The following CPNE1 variants were observed in gnomAD, a reference collection of about 807,000 sequenced individuals.
The protein encoded by CPNE1 is copine 1, also known as copine-1.
Under a neutral mutation model 63.2 loss-of-function variants are expected in CPNE1, and 58 were observed. The observed-to-expected ratio is 0.92, with a 90% CI of 0.74 to 1.14. The LOEUF (loss-of-function observed/expected upper bound fraction) is 1.14. Ranked by LOEUF, CPNE1 falls within the 50% of genes most tolerant of loss-of-function variation. CPNE1 has a pLI of 0.00. For missense variants in CPNE1, 672 were observed against 661.7 expected, an observed-to-expected ratio of 1.02 and a Z score of -0.17; for synonymous variants, 237 against 249.0, an observed-to-expected ratio of 0.95 and a Z score of 0.45.
In CPNE1 at chr20:35,632,512, C is replaced by T; in HGVS notation, c.309+5G>A. The T allele has an allele frequency of 6.2e-7, 1 of 1,613,284 alleles. No homozygotes were observed. On this transcript the variant is annotated splice_donor_5th_base_variant and intron_variant, in intron 3 of 15. Coordinates refer to ENST00000397443, the MANE Select transcript of CPNE1 (RefSeq NM_152925.3). ...TGAAGGATCCTAATCCCCAGCCCTACATACCTGTCCTAGGGAACACTCAGC... is the reference window on the plus strand; with the variant it reads ...TGAAGGATCCTAATCCCCAGCCCTATATACCTGTCCTAGGGAACACTCAGC...
chr20:35,635,801 C>T (rs1030019582), intron 1 of CPNE1, among the ~76,000 whole-genome samples: 2 of 152,224 alleles, frequency 1.3e-5, no homozygotes, highest in Non-Finnish European at 2.9e-5. Context: ...CACAGCACCT[C>T]ATCTTGGTCC....
intron 1 of CPNE1, among the ~76,000 whole-genome samples, chr20:35,646,087 T>C (rs1402056500): frequency 2.7e-5 from 4 of 147,256 alleles, no homozygotes; most frequent in African/African-American, 1.0e-4. Context: ...CACTCCACCA[T>C]CACCCCTACC....
chr20:35,630,657 C>T lies in CPNE1; in HGVS notation c.1050+84G>A, dbSNP rs142241383. The T allele has an allele frequency of 5.6e-5, 86 of 1,538,612 alleles. No individual in the cohort carries two copies. In the African/African-American group the frequency reaches 1.1e-3, roughly 19 times the overall value. On this transcript the variant is annotated intron_variant, in intron 12 of 15. Transcript: ENST00000397443. ...TGCATCTCCTCTTAAAGCTGAGTGC[C>T]AAGTAGCAAGTAAATTTACCACATC...
chr20:35,664,238 G>A (rs1000950982), intron 1 of CPNE1: 19 of 152,270 alleles, frequency 1.2e-4, no homozygotes, highest in African/African-American at 3.6e-4. Context: ...ACTCACAGGA[G>A]TGTACCGACT....
intron 1 of CPNE1, among the ~76,000 whole-genome samples, chr20:35,647,124 A>G (rs906847833): frequency 1.3e-5 from 2 of 151,946 alleles, no homozygotes; most frequent in Non-Finnish European, 2.9e-5. Flanking sequence ...CAGCCTGGCC[A>G]ACATGGTGAA....
Position 35,631,170 on chromosome 20 carries a change from C to A in CPNE1, c.805G>T (p.Glu269Ter), listed in dbSNP as rs62211672. The change falls in exon 10 of 16, where the codon GAA becomes TAA. Residue 269 changes from glutamate (E) to a stop codon, truncating the protein, a stop_gained. Transcript: ENST00000397443. LOFTEE classifies it high-confidence loss of function. ...TAGTCCAGAAAGGAGTACTCTGTTT[C>A]TACCTGCAAATGAAACCAGGGTCAT... Reference protein sequence around the residue: ...GTIRVKICRVETEYSFLDYVM... With the variant: ...GTIRVKICRV 1 of 1,614,054 alleles carries A rather than the reference C, an allele frequency of 6.2e-7. No individual in the cohort carries two copies. The highest frequency in any genetic ancestry group is 8.5e-7 in the Non-Finnish European group (1 of 1,179,940).
chr20:35,626,111 G>T lies in CPNE1; in HGVS notation c.*130C>A. 1.0e-6 allele frequency: 1 copy of T among 991,112 alleles called. No individual in the cohort carries two copies. Among genetic ancestry groups the T allele is most frequent in the Non-Finnish European group, 1.6e-6 (1 of 630,476 alleles). 61.4% of individuals were successfully genotyped at this position (991,112 alleles called of 1,614,324 possible). A position where few individuals can be genotyped will look rare whatever the true frequency, so the allele number is the denominator to read the frequency against. ...AAAGGTGGGATCAAGAGCAGCAAAA[G>T]CAGAAACAAGTATAAAAGTATCAAA... On this transcript the variant is annotated 3_prime_UTR_variant, in exon 16 of 16. Transcript: ENST00000397443.
chr20:35,632,647 T>A lies in CPNE1; in HGVS notation c.179A>T (p.Lys60Met). The change falls in exon 3 of 16, where the codon AAG becomes ATG. Residue 60 changes from lysine (K) to methionine (M), a missense_variant. Lys to Met is a moderately conservative substitution (Grantham distance 95, BLOSUM62 -1). Transcript: ENST00000397443. ...VRNCSSPEFS[K>M]TLQLEYRFET... is the part of the protein sequence containing the mutation. ...AAAGCGGTACTCAAGCTGTAGAGTC[T>A]TGGAGAACTCAGGGCTTGAGCAGTT... 1 of 1,444,762 alleles carries A rather than the reference T, an allele frequency of 6.9e-7. No individual in the cohort carries two copies. The highest frequency in any genetic ancestry group is 1.1e-5 in the South Asian group (1 of 87,720). 89.5% of individuals were successfully genotyped at this position (1,444,762 alleles called of 1,614,324 possible).
chr20:35,629,119 G>A (rs548512215), intron 13 of CPNE1, among the ~76,000 whole-genome samples: 1 of 152,268 alleles, frequency 6.6e-6, no homozygotes, highest in South Asian at 2.1e-4. Flanking sequence ...CTGTATACAT[G>A]TATGAGAAAA....
chr20:35,639,697 C>G (rs2032694564), intron 1 of CPNE1, among the ~76,000 whole-genome samples: 1 of 152,194 alleles, frequency 6.6e-6, no homozygotes, highest in African/African-American at 2.4e-5. Flanking sequence ...TTGTGAATGA[C>G]AAAAGCATTA....
At chr20:35,651,739 A>T (rs2033535278) in intron 1 of CPNE1, 3 of 152,604 alleles carry the variant, frequency 2.0e-5, no homozygotes, top group African/African-American at 7.2e-5. Flanking sequence ...ACTAACCTAA[A>T]TCGTGGCGGT....
At chr20:35,639,720 T>C (rs1367325593) in intron 1 of CPNE1, among the ~76,000 whole-genome samples, 1 of 152,194 alleles carries the variant, frequency 6.6e-6, no homozygotes, top group Non-Finnish European at 1.5e-5. Flanking sequence ...AGTGATTATT[T>C]GGGGTGGTAA....
intron 1 of CPNE1, among the ~76,000 whole-genome samples, chr20:35,638,826 A>G (rs185713239): frequency 6.6e-6 from 1 of 152,382 alleles, no homozygotes; most frequent in East Asian, 1.9e-4. Context: ...TGTAACATGA[A>G]TAAAAATGAA....
At chr20:35,661,296 C>A (rs2034218003) in intron 1 of CPNE1, among the ~76,000 whole-genome samples, 1 of 152,170 alleles carries the variant, frequency 6.6e-6, no homozygotes, top group South Asian at 2.1e-4. Flanking sequence ...CACTGTTTTC[C>A]AGGAAACTAC....
In CPNE1 at chr20:35,633,016, C is replaced by G. The variant is rs888078860; in HGVS notation, c.1-93G>C. 8.8e-6 allele frequency: 7 copies of G among 794,076 alleles called. No homozygotes were observed. In the African/African-American group the frequency reaches 1.2e-4, roughly 13 times the overall value. The allele number at this position is 794,076 out of a possible 1,614,324, so 49.2% of individuals were successfully genotyped here. A position where few individuals can be genotyped will look rare whatever the true frequency, so the allele number is the denominator to read the frequency against. On this transcript the variant is annotated intron_variant, in intron 1 of 15. Transcript: ENST00000397443. Reference sequence around the variant, plus strand: ...GCTTGGGAAGGCCAGCAGGCATCACCCAGGCAGGGCTGAGCATACGTCCAC... The same window carrying G: ...GCTTGGGAAGGCCAGCAGGCATCACGCAGGCAGGGCTGAGCATACGTCCAC...
At chr20:35,631,240 G>A in intron 9 of CPNE1, 28 bp downstream of exon 9, 1 of 1,613,654 alleles carries the variant, frequency 6.2e-7, no homozygotes, top group Non-Finnish European at 8.5e-7. Context: ...AGGAATCAGA[G>A]CCTTGGTTAC....
At chr20:35,638,372 G>A (rs1212491192) in intron 1 of CPNE1, among the ~76,000 whole-genome samples, 1 of 152,092 alleles carries the variant, frequency 6.6e-6, no homozygotes, top group Non-Finnish European at 1.5e-5. Context: ...ACTTCATAAA[G>A]GAAAATATGT....
intron 1 of CPNE1, among the ~76,000 whole-genome samples, chr20:35,663,782 C>A (rs1445637478): frequency 6.6e-6 from 1 of 152,210 alleles, no homozygotes; most frequent in Non-Finnish European, 1.5e-5. Context: ...GCTAAGCCTG[C>A]TGCACTGGCG....
chr20:35,631,924 C>T (rs1194107818), intron 6 of CPNE1, 21 bp downstream of exon 6: 1 of 1,609,594 alleles, frequency 6.2e-7, no homozygotes, highest in African/African-American at 1.3e-5. Context: ...CCCAGCCCAC[C>T]CAATCCCAGG....
Sources: gnomAD v4.1 joint callset for allele counts (sites outside exome capture counted in the v4.1 genomes callset) on GRCh38, gnomAD v4.1.1 for gene constraint, MANE v1.5 for transcripts, NCBI Gene and HGNC (gene_info 2026-07-23, HGNC 2026-07-21) for gene names.